EYS: variants seen among roughly 807,000 people sequenced by gnomAD.
EYS encodes protein eyes shut homolog.
In EYS, 250 loss-of-function variants were observed where a neutral mutation model predicts 282.1. The observed-to-expected ratio is 0.89, with a 90% CI of 0.80 to 0.98. EYS has a LOEUF of 0.98. EYS is among the 50% of genes least tolerant of loss of function. The pLI, the probability that EYS is intolerant of heterozygous loss-of-function variation, is 0.00. For synonymous variants in EYS, 1,355 were observed against 1,282.9 expected (o/e 1.06, Z -1.20); for missense variants, 4,016 against 3,709.0 (o/e 1.08, Z -2.15).
In EYS at chr6:65,047,164, A is replaced by T. The variant is rs146487131; in HGVS notation, c.2137+10450T>A. ...TATAGCATTTTGAGAATAGATTAAT[A>T]TACTTTCCTTGAATTATAAATTGTT... On this transcript the variant is annotated intron_variant, in intron 13 of 42. Coordinates refer to ENST00000503581, the MANE Select transcript of EYS (RefSeq NM_001142800.2). Among the ~76,000 whole-genome samples the T allele has an allele frequency of 2.0e-5, 3 of 151,734 alleles. No homozygotes were observed. The East Asian group carries it at 5.8e-4, about 30-fold the overall frequency.
At chr6:65,560,353 AAT>A (rs1311795141) in intron 2 of EYS, among the ~76,000 whole-genome samples, 1 of 142,900 alleles carries the variant, frequency 7.0e-6, no homozygotes, top group East Asian at 2.0e-4. Flanking sequence ...TATTGTATAT[AAT>A]ATAACATAAA....
intron 2 of EYS, among the ~76,000 whole-genome samples, chr6:65,589,636 G>A (rs1247627779): frequency 6.6e-6 from 1 of 151,726 alleles, no homozygotes; most frequent in Non-Finnish European, 1.5e-5. Flanking sequence ...TTATTTTTTA[G>A]AAATTGGCTA....
At chr6:64,053,525 T>C (rs1037918751) in intron 33 of EYS, among the ~76,000 whole-genome samples, 3 of 152,128 alleles carry the variant, frequency 2.0e-5, no homozygotes, top group Non-Finnish European at 4.4e-5. Context: ...TTTGAAAACT[T>C]CTGTGTGATT....
chr6:64,735,374 T>G (rs1772153626), intron 22 of EYS, among the ~76,000 whole-genome samples: 1 of 152,228 alleles, frequency 6.6e-6, no homozygotes, highest in Non-Finnish European at 1.5e-5. Flanking sequence ...TGAACCACCG[T>G]GCCCGGCCAG....
intron 12 of EYS, among the ~76,000 whole-genome samples, chr6:65,151,979 G>T (rs1764621365): frequency 6.6e-6 from 1 of 151,752 alleles, no homozygotes; most frequent in Admixed American, 6.6e-5. Flanking sequence ...TGTAAAATAT[G>T]TTTTTATTAA....
intron 34 of EYS, among the ~76,000 whole-genome samples, chr6:63,995,789 C>G (rs926680276): frequency 1.3e-5 from 2 of 151,804 alleles, no homozygotes; most frequent in Non-Finnish European, 2.9e-5. Context: ...ATTGCAGAGG[C>G]TGGTCAGGGA....
intron 8 of EYS, among the ~76,000 whole-genome samples, chr6:65,359,715 T>C (rs1196788228): frequency 1.3e-5 from 2 of 151,962 alleles, no homozygotes. Context: ...ATATTAATAG[T>C]GGGAAAACCT....
intron 35 of EYS, among the ~76,000 whole-genome samples, chr6:63,937,395 T>TTTTTTTTG (rs1562104508): frequency 9.1e-6 from 1 of 109,612 alleles, no homozygotes; most frequent in African/African-American, 3.8e-5. Context: ...TTTTTTTTTT[T>TTTTTTTTG]TTTGAGACGG....
intron 29 of EYS, chr6:64,377,929 A>G (rs899447908): frequency 6.6e-6 from 1 of 152,138 alleles, no homozygotes; most frequent in African/African-American, 2.4e-5. Flanking sequence ...GCTGTAAAAT[A>G]TGGGTAAGTA....
intron 9 of EYS, among the ~76,000 whole-genome samples, chr6:65,347,560 A>ATTT (rs33935472): frequency 4.8e-5 from 7 of 146,926 alleles, no homozygotes; most frequent in African/African-American, 1.8e-4. Context: ...TTCCCCATCC[A>ATTT]TTTTTTTTTT....
At chr6:65,475,111 T>C (rs1314102394) in intron 5 of EYS, among the ~76,000 whole-genome samples, 1 of 152,046 alleles carries the variant, frequency 6.6e-6, no homozygotes, top group African/African-American at 2.4e-5. Context: ...TTATAGTGTC[T>C]CTTGTGGGAA....
chr6:65,465,555 T>C (rs1582331915), intron 5 of EYS, among the ~76,000 whole-genome samples: 1 of 152,090 alleles, frequency 6.6e-6, no homozygotes, highest in Non-Finnish European at 1.5e-5. Flanking sequence ...AAGGGTAACA[T>C]AAGTTAGAAT....
chr6:65,255,056 A>G (rs993910120), intron 12 of EYS, among the ~76,000 whole-genome samples: 1 of 151,808 alleles, frequency 6.6e-6, no homozygotes, highest in Non-Finnish European at 1.5e-5. Flanking sequence ...AGCACAAAAG[A>G]CCCAGAATAG....
chr6:65,036,529 TA>T (rs1277691141), intron 13 of EYS, among the ~76,000 whole-genome samples: 3 of 151,108 alleles, frequency 2.0e-5, no homozygotes, highest in African/African-American at 7.3e-5. Flanking sequence ...ACAGATACCC[TA>T]AAAAACGGGA....
chr6:64,765,810 A>G (rs1266945077), intron 22 of EYS, among the ~76,000 whole-genome samples: 2 of 151,966 alleles, frequency 1.3e-5, no homozygotes, highest in African/African-American at 4.8e-5. Flanking sequence ...CCATGATCCA[A>G]TCACCTCCCA....
At chr6:64,511,120 T>C (rs998216243) in intron 26 of EYS, among the ~76,000 whole-genome samples, 3 of 150,588 alleles carry the variant, frequency 2.0e-5, no homozygotes, top group African/African-American at 7.3e-5. Flanking sequence ...ATAAAAAAAA[T>C]CACTAAAATC....
At chr6:65,469,174 G>C (rs1391918527) in intron 5 of EYS, among the ~76,000 whole-genome samples, 3 of 151,712 alleles carry the variant, frequency 2.0e-5, no homozygotes, top group Non-Finnish European at 4.4e-5. Flanking sequence ...AATTTAACTG[G>C]ACTTTTTTCT....
chr6:65,189,087 C>T (rs150742211), intron 12 of EYS, among the ~76,000 whole-genome samples: 234 of 150,972 alleles, frequency 1.5e-3, no homozygotes, highest in Non-Finnish European at 2.9e-3. Context: ...AATGCATATC[C>T]CTTGAAAAGT....
chr6:64,902,470 A>G lies in EYS; in HGVS notation c.2672T>C (p.Val891Ala), dbSNP rs1767699044. 2.0e-6 allele frequency: 3 copies of G among 1,535,548 alleles called. No homozygotes were observed. The Admixed American group carries it at 6.6e-5, about 34-fold the overall frequency. Reference protein sequence around the residue: ...EFEGKNCEIDVKDCLFLSCQD... With the variant: ...EFEGKNCEIDAKDCLFLSCQD... ...GCAGGAAAGGAAGAGGCAGTCTTTC[A>G]CATCAATTTCACAGTTTTTACCTTC... Residue 891 changes from valine to alanine, a missense_variant, in exon 17 of 43, where the codon GTG becomes GCG. Transcript: ENST00000503581.
Sources: allele counts gnomAD v4.1 joint callset (sites outside exome capture counted in the v4.1 genomes callset), GRCh38; gene constraint gnomAD v4.1.1; transcripts MANE v1.5; gene names NCBI Gene and HGNC (gene_info 2026-07-23, HGNC 2026-07-21).